The following TAFA2 variants were observed in gnomAD, a reference collection of about 807,000 sequenced individuals.
TAFA2 encodes the protein TAFA chemokine like family member 2, also known as chemokine-like protein TAFA-2.
TAFA2 carries 7 observed loss-of-function variants against 18.8 expected under a neutral mutation model. The observed-to-expected ratio is 0.37, with a 90% CI of 0.21 to 0.70. The LOEUF (loss-of-function observed/expected upper bound fraction) is 0.70, where lower values mean the gene tolerates loss of function less well. TAFA2 is among the 30% of genes least tolerant of loss of function. The pLI, the probability that TAFA2 is intolerant of heterozygous loss-of-function variation, is 0.53. For synonymous variants in TAFA2, 60 were observed against 54.2 expected (o/e 1.11, Z -0.47); for missense variants, 122 against 158.1 (o/e 0.77, Z 1.23).
intron 4 of TAFA2, among the ~76,000 whole-genome samples, chr12:61,724,962 C>T (rs1870091198): frequency 6.6e-6 from 1 of 152,062 alleles, no homozygotes; most frequent in African/African-American, 2.4e-5. Flanking sequence ...ATTTTCACCA[C>T]ATCCATACCA....
intron 1 of TAFA2, among the ~76,000 whole-genome samples, chr12:62,112,335 A>G (rs1415043595): frequency 6.6e-6 from 1 of 152,172 alleles, no homozygotes; most frequent in African/African-American, 2.4e-5. Context: ...TCTGGCTTGT[A>G]GGGTTTCTGC....
At chr12:61,972,991 C>T (rs372026606) in intron 1 of TAFA2, among the ~76,000 whole-genome samples, 1 of 151,622 alleles carries the variant, frequency 6.6e-6, no homozygotes, top group Non-Finnish European at 1.5e-5. Context: ...AATGCTAGTA[C>T]CAGAAAAATA....
chr12:61,936,217 A>T (rs1224916084), intron 1 of TAFA2, among the ~76,000 whole-genome samples: 1 of 152,208 alleles, frequency 6.6e-6, no homozygotes, highest in Non-Finnish European at 1.5e-5. Context: ...AAACAGAATT[A>T]AAAACAAAAA....
At position 61,867,404 on chromosome 12, in the gene TAFA2, T is replaced by C. The variant is rs1310778202; in HGVS notation, c.22A>G (p.Lys8Glu). Residue 8 changes from lysine (K) to glutamate (E), a missense_variant, in exon 2 of 5, where the codon AAA becomes GAA. Lys to Glu is a moderately conservative substitution (Grantham distance 56). Transcript: ENST00000416284. ...ATTAGCAGTTTTCCTTTTGTTGCTT[T>C]CTGTAAGTATCTCTTACTCATCCTG... MSKRYLQKATKGKLLIII... is the reference protein window; with the variant it reads MSKRYLQEATKGKLLIII... 1.3e-6 allele frequency: 2 copies of C among 1,584,838 alleles called. No individual in the cohort carries two copies. The highest frequency in any genetic ancestry group is 1.7e-6 in the Non-Finnish European group (2 of 1,156,152).
At chr12:61,932,167 AT>A (rs1877582934) in intron 1 of TAFA2, among the ~76,000 whole-genome samples, 1 of 152,220 alleles carries the variant, frequency 6.6e-6, no homozygotes, top group South Asian at 2.1e-4. Flanking sequence ...AGAAAACCAG[AT>A]TTTAGATTTT....
intron 1 of TAFA2, among the ~76,000 whole-genome samples, chr12:61,895,245 A>G (rs1875792573): frequency 6.6e-6 from 1 of 152,172 alleles, no homozygotes; most frequent in South Asian, 2.1e-4. Flanking sequence ...TATGTTTTAT[A>G]TCAGTTGAGA....
chr12:62,213,832 A>C (rs960789570), intron 1 of TAFA2, among the ~76,000 whole-genome samples: 3 of 152,204 alleles, frequency 2.0e-5, no homozygotes, highest in Non-Finnish European at 4.4e-5. Context: ...CTTGTGAATA[A>C]GATACCTTTC....
At chr12:62,194,056 C>G (rs2062638276), upstream of TAFA2, among the ~76,000 whole-genome samples, 1 of 152,166 alleles carries the variant, frequency 6.6e-6, no homozygotes, top group Non-Finnish European at 1.5e-5. Flanking sequence ...CTCAGATAGT[C>G]TCTTTCAAAA....
At chr12:61,743,418 C>A (rs983998448) in intron 4 of TAFA2, among the ~76,000 whole-genome samples, 2 of 151,894 alleles carry the variant, frequency 1.3e-5, no homozygotes, top group African/African-American at 2.4e-5. Context: ...ACATTTTTTT[C>A]TTTCACATGC....
upstream of TAFA2, among the ~76,000 whole-genome samples, chr12:62,259,243 G>T (rs532116919): frequency 6.6e-6 from 1 of 152,270 alleles, no homozygotes; most frequent in South Asian, 2.1e-4. Context: ...TGGACATCAT[G>T]CTCGGGAATA....
chr12:61,906,596 T>C (rs1433664456), intron 1 of TAFA2, among the ~76,000 whole-genome samples: 1 of 152,206 alleles, frequency 6.6e-6, no homozygotes, highest in African/African-American at 2.4e-5. Flanking sequence ...GGGGTGCTTC[T>C]GTAAAGATAC....
intron 1 of TAFA2, among the ~76,000 whole-genome samples, chr12:62,047,323 A>G (rs1280408195): frequency 6.6e-6 from 1 of 152,166 alleles, no homozygotes; most frequent in African/African-American, 2.4e-5. Flanking sequence ...GGCAAGTGAC[A>G]ACCTCTATAA....
intron 1 of TAFA2, among the ~76,000 whole-genome samples, chr12:62,030,827 C>G (rs917043437): frequency 6.6e-6 from 1 of 152,044 alleles, no homozygotes; most frequent in African/African-American, 2.4e-5. Context: ...TGAAATTTGT[C>G]TCAATAAATT....
chr12:62,166,230 C>A (rs1316632531), intron 1 of TAFA2, among the ~76,000 whole-genome samples: 1 of 152,042 alleles, frequency 6.6e-6, no homozygotes, highest in African/African-American at 2.4e-5. Flanking sequence ...TAGTTCTCAC[C>A]TATAAGATTG....
intron 1 of TAFA2, among the ~76,000 whole-genome samples, chr12:61,988,285 A>G (rs1394578081): frequency 2.0e-5 from 3 of 152,172 alleles, no homozygotes; most frequent in Non-Finnish European, 2.9e-5. Flanking sequence ...TTCAAGCAGT[A>G]GATAGTAAAA....
chr12:61,960,628 T>C (rs1422465135), intron 1 of TAFA2, among the ~76,000 whole-genome samples: 1 of 151,990 alleles, frequency 6.6e-6, no homozygotes, highest in Admixed American at 6.6e-5. Flanking sequence ...TAAGCATTGC[T>C]GTTACCCACA....
rs140629124 is a variant in TAFA2 at position 62,142,719 on chromosome 12, A to G, written c.-2+48540T>C. Among the ~76,000 whole-genome samples the G allele has an allele frequency of 3.9e-4, 60 of 152,318 alleles. 1 individual carries two copies. In the East Asian group the frequency reaches 0.01, roughly 26 times the overall value. The stretch of plus-strand genomic sequence containing the variant: ...GAAGAGGGTATAAAAGTCTTTAATT[A>G]AATTATGAGAATCCTCTTTAAATCT... On this transcript the variant is annotated intron_variant, in intron 1 of 4. Transcript: ENST00000416284.
At chr12:62,086,490 G>C (rs1868459783) in intron 1 of TAFA2, among the ~76,000 whole-genome samples, 1 of 152,040 alleles carries the variant, frequency 6.6e-6, no homozygotes, top group Non-Finnish European at 1.5e-5. Context: ...ACAAAGACTT[G>C]AATAGAGATT....
chr12:62,098,121 T>G (rs796251596), intron 1 of TAFA2, among the ~76,000 whole-genome samples: 13 of 152,318 alleles, frequency 8.5e-5, no homozygotes, highest in African/African-American at 2.9e-4. Flanking sequence ...TAACATTTTA[T>G]CACCCGGGTC....
Sources: gnomAD v4.1 joint callset for allele counts (sites outside exome capture counted in the v4.1 genomes callset) on GRCh38, gnomAD v4.1.1 for gene constraint, MANE v1.5 for transcripts, NCBI Gene and HGNC (gene_info 2026-07-23, HGNC 2026-07-21) for gene names.